Variants in CCT5 observed in about 807,000 individuals in gnomAD.
CCT5 encodes the protein T-complex protein 1 subunit epsilon.
A neutral mutation model predicts 55.0 loss-of-function variants in CCT5; 6 were observed. The observed-to-expected ratio is 0.11, with a 90% CI of 0.06 to 0.22. CCT5 has a LOEUF of 0.22. CCT5 is among the 10% of genes least tolerant of loss of function. CCT5 has a pLI of 1.00. For synonymous variants in CCT5, 231 were observed against 243.7 expected (o/e 0.95, Z 0.49); for missense variants, 560 against 694.6 (o/e 0.81, Z 2.18).
At chr5:10,258,066 G>T in intron 4 of CCT5, 45 bp from the exon 5 acceptor site, 1 of 1,581,742 alleles carries the variant, frequency 6.3e-7, no homozygotes, top group South Asian at 1.1e-5. Context: ...TTTGGTTGCA[G>T]TAATTGTGAA....
intron 8 of CCT5, 70 bp downstream of exon 8, chr5:10,261,815 G>C: frequency 2.6e-6 from 3 of 1,176,072 alleles, no homozygotes; most frequent in Non-Finnish European, 3.8e-6. Context: ...TTGCCTGTGT[G>C]TATTTAACAG....
intron 2 of CCT5, 171 bp downstream of exon 2, chr5:10,254,376 C>A: frequency 6.5e-6 from 4 of 616,928 alleles, no homozygotes; most frequent in Non-Finnish European, 1.1e-5. Context: ...TAATCGTGTG[C>A]AATATTAGGT....
intron 1 of CCT5, chr5:10,250,753 A>T (rs1230852601): frequency 8.1e-7 from 1 of 1,234,130 alleles, no homozygotes; most frequent in Non-Finnish European, 1.0e-6. Context: ...CGGCTCCTCC[A>T]GCCTGACGGC....
At chr5:10,251,814 G>C (rs1353244480) in intron 1 of CCT5, among the ~76,000 whole-genome samples, 1 of 152,064 alleles carries the variant, frequency 6.6e-6, no homozygotes, top group African/African-American at 2.4e-5. Flanking sequence ...CACTTAACAG[G>C]GACCTGCAGA....
At position 10,264,780 on chromosome 5, in the gene CCT5, A is replaced by G. The variant is rs758936847; in HGVS notation, c.1623A>G (p.Glu541=). 1.2e-6 allele frequency: 2 copies of G among 1,611,576 alleles called. No homozygotes were observed. Among genetic ancestry groups the G allele is most frequent in the Non-Finnish European group, 1.7e-6 (2 of 1,177,618 alleles). The change falls in exon 11 of 11, where the codon GAA becomes GAG. Residue 541 remains glutamate, a synonymous_variant. Transcript: ENST00000280326. ...TTCGTAAGCCTGGAGAATCTGAAGA[A>G]TGAAGACATTGAGAAAACTATGTAG... The part of the protein sequence containing the change: ...DDIRKPGESE[E]
At position 10,250,307 on chromosome 5, in the gene CCT5, C is replaced by T; in HGVS notation, c.-34C>T. ...ATTCTCGCTTCCGTAGCGGTCTCCG[C>T]CGGTTGGGGGGAAGTAATTCCGGTT... On this transcript the variant is annotated 5_prime_UTR_variant, in exon 1 of 11. Transcript: ENST00000280326. 1 of 1,613,684 alleles carries T rather than the reference C, an allele frequency of 6.2e-7. No individual in the cohort carries two copies. The highest frequency in any genetic ancestry group is 8.5e-7 in the Non-Finnish European group (1 of 1,179,972).
chr5:10,259,515 C>G (rs993889615), intron 6 of CCT5, among the ~76,000 whole-genome samples: 8 of 152,152 alleles, frequency 5.3e-5, no homozygotes, highest in African/African-American at 1.9e-4. Flanking sequence ...TCTTGAGACA[C>G]AGATAAGAGA....
chr5:10,261,711 C>T lies in CCT5; in HGVS notation c.1145C>T (p.Ala382Val), dbSNP rs1477590101. The T allele has an allele frequency of 1.2e-6, 2 of 1,614,004 alleles. No homozygotes were observed. The highest frequency in any genetic ancestry group is 1.7e-6 in the Non-Finnish European group (2 of 1,179,912). ...ATCGAGCAGTGTAAGAACTCCAGAG[C>T]TGTAACCATTTTTATTAGAGGAGGA... ...LVIEQCKNSR[A>V]VTIFIRGGNK... The change falls in exon 8 of 11, where the codon GCT becomes GTT. Residue 382 changes from alanine (A) to valine (V), a missense_variant. Around this residue, in one of 4 missense-constraint regions of CCT5, gnomAD observed 256 missense variants for 372.4 expected, o/e 0.69. Transcript: ENST00000280326.
chr5:10,250,037 C>T, upstream of CCT5: 1 of 1,528,566 alleles, frequency 6.5e-7, no homozygotes, highest in Non-Finnish European at 8.8e-7. Flanking sequence ...TATCGAGAAA[C>T]TATCAGTGGT....
chr5:10,261,200 G>A, intron 7 of CCT5: 2 of 498,674 alleles, frequency 4.0e-6, no homozygotes, highest in Non-Finnish European at 7.3e-6. Context: ...AAATACTAAT[G>A]GCAGTCCCAG....
At position 10,250,612 on chromosome 5, in the gene CCT5, G is replaced by C. The variant is rs181246987; in HGVS notation, c.105+167G>C. ...CGCTCAGCCCGCTTACTGAGCTCGG[G>C]AGACGCCGGCGCCTAATCCTGGGCT... On this transcript the variant is annotated intron_variant, in intron 1 of 10. Transcript: ENST00000280326. 2.8e-6 allele frequency: 4 copies of C among 1,449,892 alleles called. No individual in the cohort carries two copies. In the East Asian group the frequency reaches 1.0e-4, roughly 36 times the overall value. 89.8% of individuals were successfully genotyped at this position (1,449,892 alleles called of 1,614,324 possible). A position where few individuals can be genotyped will look rare whatever the true frequency, so the allele number is the denominator to read the frequency against.
At chr5:10,262,237 G>A (rs1161570135) in intron 8 of CCT5, 15 of 510,704 alleles carry the variant, frequency 2.9e-5, no homozygotes, top group Non-Finnish European at 2.8e-5. Context: ...ATCTTTGCGA[G>A]TTTTGTCAGT....
At chr5:10,250,227 G>A, upstream of CCT5, 2 of 1,568,816 alleles carry the variant, frequency 1.3e-6, no homozygotes, top group East Asian at 2.4e-5. Flanking sequence ...TAAGTCCCGC[G>A]CGTCTTGTGC....
Position 10,258,472 on chromosome 5 carries a change from T to G in CCT5, c.810T>G (p.Ser270=), listed in dbSNP as rs1745791495. The change falls in exon 6 of 11, where the codon TCT becomes TCG. Residue 270 remains serine (S), a synonymous_variant. Coordinates refer to ENST00000280326, the MANE Select transcript of CCT5 (RefSeq NM_012073.5). ...PKTKHKLDVT[S]VEDYKALQKY... is the part of the protein sequence containing the mutation. Reference sequence around the variant, plus strand: ...CAAAGCATAAGCTGGATGTGACCTCTGTCGAAGATTATAAAGCCCTTCAGA... The same window carrying G: ...CAAAGCATAAGCTGGATGTGACCTCGGTCGAAGATTATAAAGCCCTTCAGA... The G allele has an allele frequency of 6.2e-7, 1 of 1,614,022 alleles. No individual in the cohort carries two copies. Among genetic ancestry groups the G allele is most frequent in the African/African-American group, 1.3e-5 (1 of 74,936 alleles).
In CCT5 at chr5:10,255,022, A is replaced by G. The variant is rs10072433; in HGVS notation, c.331+184A>G. On this transcript the variant is annotated intron_variant, in intron 3 of 10. Coordinates refer to ENST00000280326, the MANE Select transcript of CCT5 (RefSeq NM_012073.5). Reference sequence around the variant, plus strand: ...CTGACAGTGTTACAAAAGAACAGAAAGAGGGCTGGGGATTGTTAGGCATGG... The same window carrying G: ...CTGACAGTGTTACAAAAGAACAGAAGGAGGGCTGGGGATTGTTAGGCATGG... The G allele has an allele frequency of 0.014, 8,753 of 624,694 alleles. 621 individuals are homozygous for G. The African/African-American group carries it at 0.14, about 10-fold the overall frequency. 38.7% of individuals were successfully genotyped at this position (624,694 alleles called of 1,614,324 possible).
intron 6 of CCT5, 26 bp downstream of exon 6, chr5:10,258,561 G>T (rs1223050375): frequency 6.3e-7 from 1 of 1,596,794 alleles, no homozygotes; most frequent in Non-Finnish European, 8.6e-7. Flanking sequence ...GTCCTCAGTG[G>T]AATTTAAACT....
At chr5:10,255,499 G>C (rs1040512487) in intron 3 of CCT5, among the ~76,000 whole-genome samples, 2 of 151,538 alleles carry the variant, frequency 1.3e-5, no homozygotes, top group African/African-American at 4.9e-5. Flanking sequence ...GCCAAGCACT[G>C]TTCTCGGTGC....
chr5:10,255,244 G>A (rs990905085), intron 3 of CCT5, among the ~76,000 whole-genome samples: 2 of 152,206 alleles, frequency 1.3e-5, no homozygotes, highest in Non-Finnish European at 2.9e-5. Flanking sequence ...ACTTAGGAGT[G>A]ACATGTCATG....
upstream of CCT5, chr5:10,250,177 G>T: frequency 6.5e-7 from 1 of 1,542,434 alleles, no homozygotes. Context: ...GCCGATTCCA[G>T]AAGATACTGT....
Sources: gnomAD v4.1 joint callset for allele counts (sites outside exome capture counted in the v4.1 genomes callset) on GRCh38, gnomAD v4.1.1 for gene constraint, gnomAD v4.1.1 regional missense constraint, MANE v1.5 for transcripts, NCBI Gene and HGNC (gene_info 2026-07-23, HGNC 2026-07-21) for gene names.